The following ZNF423 variants were observed in gnomAD, a reference collection of about 807,000 sequenced individuals.
ZNF423 encodes the protein Ebf-associated zinc finger protein.
ZNF423 carries 12 observed loss-of-function variants against 95.8 expected under a neutral mutation model. The observed-to-expected ratio is 0.13, with a 90% confidence interval of 0.08 to 0.20. The LOEUF is 0.20. Ranked by LOEUF, ZNF423 falls within the 10% of genes least tolerant of loss-of-function variation. The pLI, the probability that ZNF423 is intolerant of heterozygous loss-of-function variation, is 1.00. For missense variants in ZNF423, 1,316 were observed against 1,737.1 expected, an observed-to-expected ratio of 0.76 and a Z score of 4.31; for synonymous variants, 749 against 711.9, an observed-to-expected ratio of 1.05 and a Z score of -0.83.
At chr16:49,656,154 T>C (rs568787347) in intron 3 of ZNF423, among the ~76,000 whole-genome samples, 72 of 152,194 alleles carry the variant, frequency 4.7e-4, no homozygotes, top group African/African-American at 1.6e-3. Flanking sequence ...TGAATGCAGC[T>C]GGTTTATGTG....
chr16:49,632,719 G>C (rs1225429733), intron 4 of ZNF423, among the ~76,000 whole-genome samples: 1 of 152,196 alleles, frequency 6.6e-6, no homozygotes, highest in Non-Finnish European at 1.5e-5. Flanking sequence ...TTCCTGGATT[G>C]TTGCTACAGA....
At chr16:49,509,364 C>T (rs771628629) in intron 7 of ZNF423, among the ~76,000 whole-genome samples, 9 of 152,138 alleles carry the variant, frequency 5.9e-5, no homozygotes, top group Non-Finnish European at 8.8e-5. Context: ...AGCCCCAGTC[C>T]GTCCATGATT....
intron 3 of ZNF423, among the ~76,000 whole-genome samples, chr16:49,685,067 G>T (rs1394797876): frequency 6.6e-6 from 1 of 152,090 alleles, no homozygotes; most frequent in Non-Finnish European, 1.5e-5. Flanking sequence ...TGGACAGGCT[G>T]CCCCCATCTG....
chr16:49,547,542 T>C (rs1437610800), intron 5 of ZNF423, among the ~76,000 whole-genome samples: 1 of 152,150 alleles, frequency 6.6e-6, no homozygotes, highest in Non-Finnish European at 1.5e-5. Flanking sequence ...GGCCCAGGAA[T>C]GGTGGGGGTG....
At chr16:49,577,468 TCCAGCAAGGCCCAGCGA>T (rs895778105) in intron 5 of ZNF423, among the ~76,000 whole-genome samples, 2 of 151,714 alleles carry the variant, frequency 1.3e-5, no homozygotes, top group African/African-American at 2.4e-5. Flanking sequence ...GGGCCCCATG[TCCAGCAAGGCCCAGCGA>T]CCAGCCAGGA....
At chr16:49,774,410 G>C (rs754612097) in intron 2 of ZNF423, among the ~76,000 whole-genome samples, 3 of 152,140 alleles carry the variant, frequency 2.0e-5, no homozygotes, top group East Asian at 1.9e-4. Flanking sequence ...CCACCAGGAG[G>C]GGGAGGTGGG....
chr16:49,758,481 C>A (rs921110880), intron 2 of ZNF423, among the ~76,000 whole-genome samples: 1 of 152,162 alleles, frequency 6.6e-6, no homozygotes. Flanking sequence ...GTGACTCACA[C>A]CTGTAATTCC....
chr16:49,596,398 C>T (rs1303415895), intron 5 of ZNF423, among the ~76,000 whole-genome samples: 1 of 152,168 alleles, frequency 6.6e-6, no homozygotes, highest in African/African-American at 2.4e-5. Flanking sequence ...CAGCTTCCTT[C>T]CCCCTCGATT....
At chr16:49,858,072 G>A (rs1260495487), upstream of ZNF423, among the ~76,000 whole-genome samples, 1 of 152,102 alleles carries the variant, frequency 6.6e-6, no homozygotes, top group Admixed American at 6.5e-5. This position sits in a 1 kb window ranked among gnomAD's most constrained non-coding sequence, Gnocchi z 4.3. Context: ...CCGGAGCCAG[G>A]AGAACGGAGC....
chr16:49,688,094 G>GA (rs5816654), intron 3 of ZNF423, among the ~76,000 whole-genome samples: 10 of 107,660 alleles, frequency 9.3e-5, no homozygotes, highest in Middle Eastern at 5.6e-3. Context: ...GGTTGAGAGG[G>GA]AAAAAAAAAA....
intron 2 of ZNF423, among the ~76,000 whole-genome samples, chr16:49,775,442 A>G (rs918254849): frequency 1.3e-5 from 2 of 152,184 alleles, no homozygotes; most frequent in East Asian, 1.9e-4. Flanking sequence ...ACTGACCCAC[A>G]GGCCACCTCG....
At chr16:49,812,400 C>T (rs1318543523) in intron 1 of ZNF423, among the ~76,000 whole-genome samples, 1 of 152,136 alleles carries the variant, frequency 6.6e-6, no homozygotes, top group Non-Finnish European at 1.5e-5. Context: ...CTGATAAAGG[C>T]TGGGATAAGG....
At chr16:49,821,752 C>T (rs1024711526) in intron 1 of ZNF423, among the ~76,000 whole-genome samples, 12 of 152,126 alleles carry the variant, frequency 7.9e-5, no homozygotes, top group African/African-American at 1.9e-4. Context: ...GTGCGAAGGC[C>T]GAGCCTGGCT....
intron 2 of ZNF423, among the ~76,000 whole-genome samples, chr16:49,777,362 CTGAG>C (rs1315766347): frequency 2.0e-5 from 3 of 152,138 alleles, no homozygotes; most frequent in Non-Finnish European, 4.4e-5. Context: ...TACATTTGCA[CTGAG>C]TGAGAGTATG....
At chr16:49,677,312 G>GAGAA (rs1567284159) in intron 3 of ZNF423, among the ~76,000 whole-genome samples, 3 of 19,650 alleles carry the variant, frequency 1.5e-4, no homozygotes, top group African/African-American at 4.8e-4. Context: ...AGAAGAGAAA[G>GAGAA]GAGGGGAAGG....
At chr16:49,518,054 A>G (rs918220947) in intron 7 of ZNF423, 4 of 452,060 alleles carry the variant, frequency 8.8e-6, no homozygotes, top group Non-Finnish European at 1.8e-5. Flanking sequence ...GCGGCTCACA[A>G]TCTGGAGGAG....
At chr16:49,801,903 C>T (rs1425165787) in intron 1 of ZNF423, among the ~76,000 whole-genome samples, 3 of 152,126 alleles carry the variant, frequency 2.0e-5, no homozygotes, top group Admixed American at 6.5e-5. Flanking sequence ...GGCTGGAGTG[C>T]GGTGGTGTGA....
rs149504009 is a variant in ZNF423 at position 49,635,033 on chromosome 16, A to G, written c.3516+627T>C. On this transcript the variant is annotated intron_variant, in intron 4 of 7. Coordinates refer to ENST00000563137, the MANE Select transcript of ZNF423 (RefSeq NM_001379286.1). This position sits in a 1 kb window ranked among gnomAD's most constrained non-coding sequence, Gnocchi z 4.8. ...CAATCAGTCATTAACAATAACAGCA[A>G]TTGAAACCACATCAAAGGGCCTTCC... Among the ~76,000 whole-genome samples, 630 of 152,298 alleles carry G rather than the reference A, an allele frequency of 4.1e-3. 3 individuals carry two copies. The highest frequency in any genetic ancestry group is 0.014 in the African/African-American group (574 of 41,558).
chr16:49,530,197 G>T (rs1968788249), intron 5 of ZNF423, among the ~76,000 whole-genome samples: 1 of 152,122 alleles, frequency 6.6e-6, no homozygotes, highest in South Asian at 2.1e-4. Flanking sequence ...CAGCCAAGCA[G>T]TCTTATTTGG....
Sources: allele counts gnomAD v4.1 joint callset (sites outside exome capture counted in the v4.1 genomes callset), GRCh38; gene constraint gnomAD v4.1.1; non-coding constraint Gnocchi (gnomAD v3.1); transcripts MANE v1.5; gene names NCBI Gene and HGNC (gene_info 2026-07-23, HGNC 2026-07-21).